Variants in DOCK3 observed in about 807,000 individuals in gnomAD.
The protein encoded by DOCK3 is dedicator of cytokinesis 3, also known as dedicator of cytokinesis protein 3.
In DOCK3, 60 loss-of-function variants were observed where a neutral mutation model predicts 265.6. The ratio of observed to expected loss-of-function variants is 0.23; its 90% CI spans 0.18 to 0.28. DOCK3 has a LOEUF of 0.28. Among genes scored for constraint, DOCK3 ranks in the 10% least tolerant of loss-of-function variants. DOCK3 has a pLI of 1.00. For missense variants in DOCK3, 1,981 were observed against 2,594.3 expected, an observed-to-expected ratio of 0.76 and a Z score of 5.14; for synonymous variants, 881 against 938.0, an observed-to-expected ratio of 0.94 and a Z score of 1.11.
chr3:51,090,076 C>T (rs2082580434), intron 8 of DOCK3, among the ~76,000 whole-genome samples, 154 bp from the exon 9 acceptor site: 1 of 151,996 alleles, frequency 6.6e-6, no homozygotes, highest in Admixed American at 6.6e-5. Context: ...TCTGTTGATG[C>T]AGCATCCCCT....
intron 2 of DOCK3, chr3:50,787,333 C>T (rs1576433518): frequency 1.2e-5 from 5 of 406,782 alleles, no homozygotes; most frequent in South Asian, 4.9e-5. Context: ...GTCAGGAGTT[C>T]GAGACCAGCC....
intron 40 of DOCK3, among the ~76,000 whole-genome samples, chr3:51,354,314 G>A (rs773171262): frequency 1.1e-4 from 16 of 151,194 alleles, no homozygotes; most frequent in Non-Finnish European, 1.5e-5. Context: ...GGCCTGCCCA[G>A]TGATTAACCC....
intron 2 of DOCK3, among the ~76,000 whole-genome samples, chr3:50,835,106 C>CT (rs934398598): frequency 2.0e-5 from 3 of 152,116 alleles, no homozygotes; most frequent in East Asian, 3.8e-4. Context: ...CACACACAGA[C>CT]TTTTTTTACA....
intron 27 of DOCK3, among the ~76,000 whole-genome samples, chr3:51,309,176 C>T (rs1234466616): frequency 2.0e-5 from 3 of 152,170 alleles, no homozygotes; most frequent in African/African-American, 4.8e-5. Context: ...ACTTCCCAGA[C>T]GGGGTGGCGG....
intron 5 of DOCK3, among the ~76,000 whole-genome samples, chr3:51,008,314 T>C (rs1222479520): frequency 2.0e-5 from 3 of 152,324 alleles, no homozygotes; most frequent in Middle Eastern, 6.8e-3. Flanking sequence ...CAGTGGTTTG[T>C]AGTTCTCCTT....
intron 5 of DOCK3, among the ~76,000 whole-genome samples, chr3:50,972,430 G>T (rs1433090111): frequency 6.6e-6 from 1 of 152,228 alleles, no homozygotes; most frequent in Non-Finnish European, 1.5e-5. Flanking sequence ...TTCCCTTTTA[G>T]AACTAAGCAC....
intron 19 of DOCK3, among the ~76,000 whole-genome samples, chr3:51,233,768 A>C (rs1384947351): frequency 6.6e-6 from 1 of 152,216 alleles, no homozygotes; most frequent in Non-Finnish European, 1.5e-5. Flanking sequence ...TGTAAACGCA[A>C]TTGCATTCTT....
At chr3:50,802,938 C>T (rs1182808327) in intron 2 of DOCK3, among the ~76,000 whole-genome samples, 1 of 151,790 alleles carries the variant, frequency 6.6e-6, no homozygotes, top group East Asian at 1.9e-4. Flanking sequence ...GATGGTGTTT[C>T]ATAAATCCTG....
chr3:51,130,814 T>G lies in DOCK3; in HGVS notation c.747-15735T>G, dbSNP rs143311562. ...CCTCTGTCTTCTAAGCTCAAGCAATTCTCATGCCTCAGCCTCCCGAGTAGT... is the reference window on the plus strand; with the variant it reads ...CCTCTGTCTTCTAAGCTCAAGCAATGCTCATGCCTCAGCCTCCCGAGTAGT... On this transcript the variant is annotated intron_variant, in intron 9 of 52. Coordinates refer to ENST00000266037, the MANE Select transcript of DOCK3 (RefSeq NM_004947.5). Among the ~76,000 whole-genome samples, 29 of 152,270 alleles carry G rather than the reference T, an allele frequency of 1.9e-4. No individual in the cohort carries two copies. In the East Asian group the frequency reaches 4.4e-3, roughly 23 times the overall value.
intron 9 of DOCK3, among the ~76,000 whole-genome samples, chr3:51,101,109 C>CGTTCT (rs2083066119): frequency 5.5e-5 from 4 of 73,374 alleles, no homozygotes; most frequent in African/African-American, 2.1e-4. Context: ...TCGGCTTAGT[C>CGTTCT]TTTCTTTTTT....
intron 6 of DOCK3, among the ~76,000 whole-genome samples, chr3:51,068,539 GAAAAAAAA>G (rs1160597168): frequency 0.1 from 4,655 of 45,738 alleles, 370 homozygotes; most frequent in African/African-American, 0.3. Flanking sequence ...GACTCCGTCT[GAAAAAAAA>G]AAAAAAAAAA....
At chr3:51,247,898 T>G (rs2108583682) in intron 22 of DOCK3, among the ~76,000 whole-genome samples, 1 of 152,318 alleles carries the variant, frequency 6.6e-6, no homozygotes, top group South Asian at 2.1e-4. Context: ...CTAGCACCTG[T>G]CAGGTGCCTA....
intron 5 of DOCK3, among the ~76,000 whole-genome samples, chr3:51,007,041 G>A (rs2078709541): frequency 6.6e-6 from 1 of 152,120 alleles, no homozygotes; most frequent in Non-Finnish European, 1.5e-5. Flanking sequence ...CATTTGGGTT[G>A]GTTCCAAGTC....
chr3:50,833,301 T>C (rs1169273764), intron 2 of DOCK3, among the ~76,000 whole-genome samples: 8 of 152,202 alleles, frequency 5.3e-5, no homozygotes, highest in Admixed American at 1.3e-4. Context: ...TCTTGAAACA[T>C]ATTTTTTTCT....
At chr3:51,167,880 T>A (rs573083651) in intron 12 of DOCK3, among the ~76,000 whole-genome samples, 2 of 152,348 alleles carry the variant, frequency 1.3e-5, no homozygotes, top group South Asian at 4.1e-4. Flanking sequence ...TCATGTCATC[T>A]GCAAACAGAG....
rs763759933 is a variant in DOCK3 at position 51,357,814 on chromosome 3, C to G, written c.4740C>G (p.Thr1580=). The G allele has an allele frequency of 5.6e-6, 9 of 1,613,966 alleles. No individual in the cohort carries two copies. The Admixed American group carries it at 1.5e-4, about 27-fold the overall frequency. The change falls in exon 45 of 53, where the codon ACC becomes ACG. Residue 1580 remains threonine (T), a synonymous_variant. Transcript: ENST00000266037. ...NKHPGDAEKI[T]QLKELMQEQV... ...ACCCAGGAGATGCTGAGAAGATCAC[C>G]CAGCTCAAGGAGCTTATGCAGGAGC... is the stretch of plus-strand genomic sequence containing the variant.
chr3:51,369,205 GAGA>G (rs2087490003), intron 49 of DOCK3, among the ~76,000 whole-genome samples: 1 of 152,232 alleles, frequency 6.6e-6, no homozygotes, highest in East Asian at 1.9e-4. Flanking sequence ...GACAAGTTGA[GAGA>G]AGAAGGCTTC....
At chr3:51,149,601 G>A (rs899950095) in intron 10 of DOCK3, among the ~76,000 whole-genome samples, 5 of 152,188 alleles carry the variant, frequency 3.3e-5, no homozygotes, top group African/African-American at 1.2e-4. Context: ...AGATAATCAT[G>A]TGGTTTTTGT....
chr3:50,876,473 T>C (rs955568221), intron 3 of DOCK3, among the ~76,000 whole-genome samples: 7 of 152,252 alleles, frequency 4.6e-5, no homozygotes, highest in African/African-American at 1.7e-4. Flanking sequence ...TATTTTATTA[T>C]AGTTTGTAAT....
Sources: allele counts gnomAD v4.1 joint callset (sites outside exome capture counted in the v4.1 genomes callset), GRCh38; gene constraint gnomAD v4.1.1; transcripts MANE v1.5; gene names NCBI Gene and HGNC (gene_info 2026-07-23, HGNC 2026-07-21).